HIPK1: variants seen among roughly 807,000 people sequenced by gnomAD.
HIPK1 encodes homeodomain-interacting protein kinase 1.
Under a neutral mutation model 117.1 loss-of-function variants are expected in HIPK1, and 28 were observed. The ratio of observed to expected loss-of-function variants is 0.24; its 90% CI spans 0.18 to 0.33. HIPK1 has a LOEUF of 0.33. HIPK1 is among the 10% of genes least tolerant of loss of function. HIPK1 has a pLI of 1.00. For synonymous variants in HIPK1, 605 were observed against 562.5 expected, an observed-to-expected ratio of 1.08 and a Z score of -1.07; for missense variants, 1,122 against 1,475.1, an observed-to-expected ratio of 0.76 and a Z score of 3.92.
chr1:113,958,163 C>T lies in HIPK1; in HGVS notation c.1853C>T (p.Pro618Leu), dbSNP rs903995377. Residue 618 changes from proline (P) to leucine (L), a missense_variant, in exon 8 of 16, where the codon CCA (proline) becomes CTA (leucine). Transcript: ENST00000426820. ...SLLNYQSALY[P>L]SSAAPVPGVA... Reference sequence around the variant, plus strand: ...CTAAACTACCAGTCAGCTTTGTACCCATCATCTGCTGCACCAGTTCCTGGA... The same window carrying T: ...CTAAACTACCAGTCAGCTTTGTACCTATCATCTGCTGCACCAGTTCCTGGA... 3 of 1,614,032 alleles carry T rather than the reference C, an allele frequency of 1.9e-6. No individual in the cohort carries two copies. The highest frequency in any genetic ancestry group is 2.5e-6 in the Non-Finnish European group (3 of 1,179,988).
At chr1:113,954,806 T>G (rs1355538626) in intron 4 of HIPK1, 36 bp downstream of exon 4, 1 of 1,565,164 alleles carries the variant, frequency 6.4e-7, no homozygotes, top group African/African-American at 1.4e-5. Context: ...ACTCCTGTAC[T>G]CCACCCCTCA....
chr1:113,944,214 T>C (rs576727884), intron 2 of HIPK1, among the ~76,000 whole-genome samples: 13 of 132,012 alleles, frequency 9.8e-5, no homozygotes, highest in African/African-American at 3.6e-4. Flanking sequence ...TCTTGTTGCC[T>C]AGGCTGGAGT....
At chr1:113,933,939 G>A (rs1670076833) in intron 1 of HIPK1, among the ~76,000 whole-genome samples, 1 of 152,104 alleles carries the variant, frequency 6.6e-6, no homozygotes, top group Non-Finnish European at 1.5e-5. Context: ...CAGTAGGGGT[G>A]GAGAAAACTT....
rs757816994 is a variant in HIPK1 at position 113,958,337 on chromosome 1, C to T, written c.1981+46C>T. On this transcript the variant is annotated intron_variant, in intron 8 of 15. Transcript: ENST00000426820. ...ATCATATGGTATTGTATCAGACCTA[C>T]CTGCTTTAGGCAGCTCTAGTTGTTT... is the stretch of plus-strand genomic sequence containing the variant. The T allele has an allele frequency of 1.4e-5, 19 of 1,326,946 alleles. No individual in the cohort carries two copies. In the African/African-American group the frequency reaches 2.8e-4, roughly 19 times the overall value. The allele number at this position is 1,326,946 out of a possible 1,614,324, so 82.2% of individuals were successfully genotyped here.
At chr1:113,929,711 A>AGGCGGC (rs774270345) in intron 1 of HIPK1, 179 bp downstream of exon 1, 56 of 803,212 alleles carry the variant, frequency 7.0e-5, no homozygotes, top group South Asian at 3.3e-4. Context: ...CGCGGGGCTG[A>AGGCGGC]GGCGGCGGCG....
At chr1:113,942,236 T>G (rs901486108) in intron 2 of HIPK1, among the ~76,000 whole-genome samples, 1 of 151,922 alleles carries the variant, frequency 6.6e-6, no homozygotes, top group Non-Finnish European at 1.5e-5. Context: ...AATTTTTTTG[T>G]TTTTAATAGA....
In HIPK1 at chr1:113,940,950, C is replaced by T. The variant is rs1670607565; in HGVS notation, c.567C>T (p.Ser189=). 2 of 1,614,052 alleles carry T rather than the reference C, an allele frequency of 1.2e-6. No homozygotes were observed. Among genetic ancestry groups the T allele is most frequent in the Admixed American group, 1.7e-5 (1 of 60,010 alleles). The part of the protein sequence containing the change: ...QHEILCSMTN[S]YEVLEFLGRG... ...AGATCCTTTGCTCTATGACCAATAG[C>T]TATGAAGTCTTGGAGTTCCTAGGCC... The change falls in exon 2 of 16, where the codon AGC becomes AGT. Residue 189 remains serine (S), a synonymous_variant. Coordinates refer to ENST00000426820, the MANE Select transcript of HIPK1 (RefSeq NM_198268.3).
At chr1:113,945,704 A>G (rs1670944451) in intron 2 of HIPK1, among the ~76,000 whole-genome samples, 1 of 152,142 alleles carries the variant, frequency 6.6e-6, no homozygotes, top group East Asian at 1.9e-4. Context: ...CTATTCCATT[A>G]ATCTATATAT....
At chr1:113,932,381 T>G (rs1162376500) in intron 1 of HIPK1, among the ~76,000 whole-genome samples, 1 of 150,874 alleles carries the variant, frequency 6.6e-6, no homozygotes, top group Non-Finnish European at 1.5e-5. Context: ...TTTTTTTTTT[T>G]TTTTTTTTTT....
At chr1:113,933,316 A>G (rs1407063025) in intron 1 of HIPK1, 12 of 427,704 alleles carry the variant, frequency 2.8e-5, no homozygotes, top group Non-Finnish European at 3.4e-5. Context: ...CTAGGGCCAG[A>G]GAAGGCAAGG....
At chr1:113,929,962 G>A in intron 1 of HIPK1, 3 of 985,414 alleles carry the variant, frequency 3.0e-6, no homozygotes, top group Non-Finnish European at 3.6e-6. Context: ...GGGCAGGAGG[G>A]GTCCTCGGCG....
At chr1:113,930,283 G>A (rs1318921472) in intron 1 of HIPK1, among the ~76,000 whole-genome samples, 2 of 152,272 alleles carry the variant, frequency 1.3e-5, no homozygotes, top group South Asian at 2.1e-4. Flanking sequence ...TGTCGTGGCA[G>A]GTTCCCAGTG....
intron 8 of HIPK1, among the ~76,000 whole-genome samples, chr1:113,961,994 T>C (rs1672154527): frequency 6.8e-6 from 1 of 146,872 alleles, no homozygotes. Flanking sequence ...ATTTACTAAG[T>C]GAAGATTTTT....
At chr1:113,972,478 T>C (rs985647590) in intron 15 of HIPK1, among the ~76,000 whole-genome samples, 3 of 152,228 alleles carry the variant, frequency 2.0e-5, no homozygotes, top group Non-Finnish European at 4.4e-5. Context: ...TTATTCTATT[T>C]GTGTTCACTC....
intron 7 of HIPK1, 118 bp downstream of exon 7, chr1:113,957,404 T>G: frequency 1.3e-6 from 1 of 743,464 alleles, no homozygotes; most frequent in Non-Finnish European, 2.2e-6. Context: ...TTAGAAATTC[T>G]CCACTTGACA....
Position 113,957,146 on chromosome 1 carries a change from A to G in HIPK1, c.1615A>G (p.Met539Val), listed in dbSNP as rs752651761. The G allele has an allele frequency of 5.6e-6, 9 of 1,613,686 alleles. No individual in the cohort carries two copies. In the Admixed American group the frequency reaches 1.2e-4, roughly 21 times the overall value. ...CAGTGTTAAGTCTTGTTTTCAGAACATGGAGATCTGCAAGCGGAGGGTTCA... is the reference window on the plus strand; with the variant it reads ...CAGTGTTAAGTCTTGTTTTCAGAACGTGGAGATCTGCAAGCGGAGGGTTCA... ...SNHVKSCFQN[M>V]EICKRRVHMY... The change falls in exon 7 of 16, where the codon ATG becomes GTG. Residue 539 changes from methionine (M) to valine (V), a missense_variant. Met to Val is a conservative substitution (Grantham distance 21, BLOSUM62 1). Coordinates refer to ENST00000426820, the MANE Select transcript of HIPK1 (RefSeq NM_198268.3).
Position 113,975,844 on chromosome 1 carries a change from C to T in HIPK1, c.*2332C>T, listed in dbSNP as rs1250734920. ...TGAAATTGTCCTTGTACTCTCAGCT[C>T]CTGCATGGATCTGGGTCAAGTAGAA... On this transcript the variant is annotated 3_prime_UTR_variant, in exon 16 of 16. Transcript: ENST00000426820. 6.6e-6 allele frequency: 1 copy of T among 152,526 alleles called. No individual in the cohort carries two copies. The highest frequency in any genetic ancestry group is 2.4e-5 in the African/African-American group (1 of 41,364). 9.4% of individuals were successfully genotyped at this position (152,526 alleles called of 1,614,324 possible).
intron 1 of HIPK1, chr1:113,933,220 G>T: frequency 1.0e-6 from 1 of 983,888 alleles, no homozygotes; most frequent in Non-Finnish European, 1.2e-6. Context: ...TGAGCTTTAA[G>T]CAGAGACTAG....
chr1:113,972,675 A>T (rs1672917478), intron 15 of HIPK1, among the ~76,000 whole-genome samples: 1 of 152,218 alleles, frequency 6.6e-6, no homozygotes, highest in Non-Finnish European at 1.5e-5. Flanking sequence ...AAGCAATGGT[A>T]AGAAATAAAG....
Sources: gnomAD v4.1 joint callset for allele counts (sites outside exome capture counted in the v4.1 genomes callset) on GRCh38, gnomAD v4.1.1 for gene constraint, MANE v1.5 for transcripts, NCBI Gene and HGNC (gene_info 2026-07-23, HGNC 2026-07-21) for gene names.